CTNNAL1: variants seen among roughly 807,000 people sequenced by gnomAD.
CTNNAL1 encodes alpha-catulin.
A neutral mutation model predicts 93.6 loss-of-function variants in CTNNAL1; 69 were observed. That is an observed-to-expected ratio of 0.74 (90% CI 0.61 to 0.90). CTNNAL1 has a LOEUF of 0.90. CTNNAL1 is among the 40% of genes least tolerant of loss of function. The pLI, the probability that CTNNAL1 is intolerant of heterozygous loss-of-function variation, is 0.00. For synonymous variants in CTNNAL1, 286 were observed against 305.4 expected, an observed-to-expected ratio of 0.94 and a Z score of 0.66; for missense variants, 836 against 862.0, an observed-to-expected ratio of 0.97 and a Z score of 0.38.
At chr9:108,955,308 C>T (rs1176636176) in intron 12 of CTNNAL1, among the ~76,000 whole-genome samples, 1 of 152,056 alleles carries the variant, frequency 6.6e-6, no homozygotes, top group Non-Finnish European at 1.5e-5. Flanking sequence ...TATTTTTGTC[C>T]CCCAAAAGGG....
At chr9:108,985,439 A>G (rs143093416) in intron 4 of CTNNAL1, among the ~76,000 whole-genome samples, 3 of 152,232 alleles carry the variant, frequency 2.0e-5, no homozygotes, top group Non-Finnish European at 4.4e-5. Context: ...AGTAAAACCT[A>G]AAGTTTGAGA....
chr9:108,973,339 T>C (rs1831171473), intron 8 of CTNNAL1, among the ~76,000 whole-genome samples: 1 of 152,208 alleles, frequency 6.6e-6, no homozygotes, highest in Non-Finnish European at 1.5e-5. Context: ...ATAAGTTCTT[T>C]AGCATACTTT....
intron 8 of CTNNAL1, among the ~76,000 whole-genome samples, chr9:108,975,373 C>G (rs116899784): frequency 6.8e-4 from 103 of 152,056 alleles, no homozygotes; most frequent in African/African-American, 2.4e-3. Context: ...CTCTGAAGAA[C>G]CACTAAGGTA....
At chr9:108,985,581 A>T (rs1831580586) in intron 4 of CTNNAL1, among the ~76,000 whole-genome samples, 2 of 152,254 alleles carry the variant, frequency 1.3e-5, no homozygotes, top group African/African-American at 4.8e-5. Context: ...ATGGAATTAC[A>T]AATAGTGTAC....
intron 15 of CTNNAL1, among the ~76,000 whole-genome samples, chr9:108,946,847 G>A (rs886666395): frequency 4.6e-5 from 7 of 152,056 alleles, no homozygotes; most frequent in African/African-American, 1.4e-4. Flanking sequence ...TAGGAAGAAG[G>A]TAAGTAGTGG....
At chr9:108,952,161 C>T in intron 14 of CTNNAL1, 48 bp downstream of exon 14, 11 of 1,482,488 alleles carry the variant, frequency 7.4e-6, no homozygotes, top group Non-Finnish European at 1.0e-5. Context: ...TTCTTTACAC[C>T]AGATATCATT....
Position 108,953,016 on chromosome 9 carries a change from T to C in CTNNAL1, c.1630-522A>G, listed in dbSNP as rs28361163. Among the ~76,000 whole-genome samples the C allele has an allele frequency of 6.9e-3, 1,045 of 152,342 alleles. 14 individuals are homozygous for C. The highest frequency in any genetic ancestry group is 0.024 in the African/African-American group (992 of 41,570). On this transcript the variant is annotated intron_variant, in intron 12 of 18. Transcript: ENST00000325551. ...GCTAAATTTCAACTCTCTAGCTTCA[T>C]AGATATCACAACTGCTAATCTCATA...
chr9:108,970,449 T>G lies in CTNNAL1; in HGVS notation c.1393A>C (p.Ile465Leu). ...RHISGTEPLE[I>L]TCIHAEETFQ... The stretch of plus-strand genomic sequence containing the variant: ...GTCTCCTCTGCATGTATACAGGTTA[T>G]TTCCAGAGGTTCTGTCCCAGATATG... The change falls in exon 10 of 19, where the codon ATA (isoleucine) becomes CTA (leucine). Residue 465 changes from isoleucine to leucine, a missense_variant. Transcript: ENST00000325551. 1 of 1,612,810 alleles carries G rather than the reference T, an allele frequency of 6.2e-7. No individual in the cohort carries two copies. Among genetic ancestry groups the G allele is most frequent in the Non-Finnish European group, 8.5e-7 (1 of 1,179,512 alleles).
At position 108,970,484 on chromosome 9, in the gene CTNNAL1, A is replaced by C. The variant is rs776203074; in HGVS notation, c.1358T>G (p.Leu453Trp). 1.9e-6 allele frequency: 3 copies of C among 1,611,210 alleles called. 1 individual carries two copies. ...TTCTGTCCCAGATATGTGTCGTAAC[A>C]ATCGACAGGTCTACAAGACAATATG... ...QKEQLVETCR[L>W]LRHISGTEPL... Residue 453 changes from leucine to tryptophan, a missense_variant, in exon 10 of 19, where the codon TTG (leucine) becomes TGG (tryptophan). Coordinates refer to ENST00000325551, the MANE Select transcript of CTNNAL1 (RefSeq NM_003798.4).
At chr9:108,973,758 C>T (rs1192324064) in intron 8 of CTNNAL1, among the ~76,000 whole-genome samples, 2 of 150,358 alleles carry the variant, frequency 1.3e-5, no homozygotes, top group Non-Finnish European at 3.0e-5. Context: ...ACATTGTTCT[C>T]AGAAAAATCT....
At chr9:108,994,158 G>A (rs1405545404) in intron 2 of CTNNAL1, among the ~76,000 whole-genome samples, 2 of 152,068 alleles carry the variant, frequency 1.3e-5, no homozygotes, top group Non-Finnish European at 2.9e-5. Context: ...TTGGACCTGG[G>A]AAGCGGAGGT....
At chr9:108,956,874 C>T (rs1830700346) in intron 11 of CTNNAL1, among the ~76,000 whole-genome samples, 1 of 151,784 alleles carries the variant, frequency 6.6e-6, no homozygotes, top group Non-Finnish European at 1.5e-5. Context: ...CTAGTCTGTA[C>T]TGAGATGTGC....
chr9:108,955,699 T>A, intron 12 of CTNNAL1, 91 bp downstream of exon 12: 1 of 1,107,590 alleles, frequency 9.0e-7, no homozygotes, highest in Non-Finnish European at 1.3e-6. Flanking sequence ...TGTCAATTAT[T>A]TGTGGTAGAG....
chr9:109,010,630 CATT>C (rs776811325), intron 1 of CTNNAL1, among the ~76,000 whole-genome samples: 17 of 152,124 alleles, frequency 1.1e-4, no homozygotes, highest in Non-Finnish European at 2.1e-4. Flanking sequence ...TTTTCTGCAT[CATT>C]GTTAGGAAAA....
At position 108,943,783 on chromosome 9, in the gene CTNNAL1, C is replaced by T. The variant is rs1418425781; in HGVS notation, c.1975G>A (p.Glu659Lys). 1 of 1,613,724 alleles carries T rather than the reference C, an allele frequency of 6.2e-7. No individual in the cohort carries two copies. Among genetic ancestry groups the T allele is most frequent in the Non-Finnish European group, 8.5e-7 (1 of 1,179,852 alleles). ...CATAGAGGAATTAGCTTGTTTATTT[C>T]CAGGAGAAGCATAAGCTTGTCATCG... ...KDDDKLMLLL[E>K]INKLIPLCHQ... Residue 659 changes from glutamate (E) to lysine (K), a missense_variant, in exon 17 of 19, where the codon GAA becomes AAA. Glu to Lys is a moderately conservative substitution (Grantham distance 56). Transcript: ENST00000325551.
chr9:108,959,390 C>G (rs1317581940), intron 11 of CTNNAL1, among the ~76,000 whole-genome samples: 1 of 129,458 alleles, frequency 7.7e-6, no homozygotes. Flanking sequence ...AAAAAAAAGA[C>G]CAGCCTGGGT....
intron 11 of CTNNAL1, among the ~76,000 whole-genome samples, chr9:108,964,612 G>T (rs978940045): frequency 6.6e-6 from 1 of 152,108 alleles, no homozygotes; most frequent in Non-Finnish European, 1.5e-5. Flanking sequence ...CCAAGATTAT[G>T]TAGTCATCAA....
chr9:109,003,745 A>C (rs1391228449), intron 1 of CTNNAL1, among the ~76,000 whole-genome samples: 1 of 152,204 alleles, frequency 6.6e-6, no homozygotes, highest in Non-Finnish European at 1.5e-5. Flanking sequence ...ACTACATACA[A>C]GAAGTCTCTC....
intron 4 of CTNNAL1, among the ~76,000 whole-genome samples, chr9:108,990,499 CT>C (rs1371835970): frequency 6.6e-6 from 1 of 152,094 alleles, no homozygotes; most frequent in African/African-American, 2.4e-5. Flanking sequence ...CAAGTATGAC[CT>C]TTCCCAGTGT....
Sources: gnomAD v4.1 joint callset for allele counts (sites outside exome capture counted in the v4.1 genomes callset) on GRCh38, gnomAD v4.1.1 for gene constraint, MANE v1.5 for transcripts, NCBI Gene and HGNC (gene_info 2026-07-23, HGNC 2026-07-21) for gene names.